The following WIPF3 variants were observed in gnomAD, a reference collection of about 807,000 sequenced individuals.
WIPF3 encodes the protein WAS/WASL interacting protein family member 3.
Under a neutral mutation model 38.9 loss-of-function variants are expected in WIPF3, and 33 were observed. The ratio of observed to expected loss-of-function variants is 0.85; its 90% confidence interval spans 0.64 to 1.14. The LOEUF is 1.14. Among genes scored for constraint, WIPF3 ranks in the 50% most tolerant of loss-of-function variants. WIPF3 has a pLI of 0.00. For synonymous variants in WIPF3, 324 were observed against 269.3 expected (o/e 1.20, Z -1.99); for missense variants, 711 against 652.5 (o/e 1.09, Z -0.98).
At chr7:29,818,341 T>C (rs1784486864) in intron 1 of WIPF3, among the ~76,000 whole-genome samples, 1 of 151,892 alleles carries the variant, frequency 6.6e-6, no homozygotes, top group Non-Finnish European at 1.5e-5. Context: ...TAGTACCAGC[T>C]ACTCGGGAGG....
chr7:29,860,151 C>A (rs1042111599), intron 2 of WIPF3, among the ~76,000 whole-genome samples: 1 of 152,142 alleles, frequency 6.6e-6, no homozygotes, highest in Non-Finnish European at 1.5e-5. Context: ...ATTGGAGAAA[C>A]AACATGAAAG....
At chr7:29,876,947 T>TC (rs902525094) in intron 3 of WIPF3, among the ~76,000 whole-genome samples, 10 of 152,142 alleles carry the variant, frequency 6.6e-5, no homozygotes, top group African/African-American at 2.2e-4. Flanking sequence ...CTTTTTTTTT[T>TC]CTTGGTCGAT....
chr7:29,859,438 A>G (rs767741500), intron 2 of WIPF3, among the ~76,000 whole-genome samples: 5 of 152,184 alleles, frequency 3.3e-5, no homozygotes, highest in Non-Finnish European at 7.3e-5. Flanking sequence ...CCACATTTCA[A>G]TAACATCTAC....
At chr7:29,833,858 T>C (rs1264593512) in intron 1 of WIPF3, among the ~76,000 whole-genome samples, 1 of 152,208 alleles carries the variant, frequency 6.6e-6, no homozygotes, top group African/African-American at 2.4e-5. Context: ...TTAATACAGA[T>C]TTTAAGTCCT....
chr7:29,884,429 C>G lies in WIPF3; in HGVS notation c.935C>G (p.Pro312Arg). 1 of 1,537,158 alleles carries G rather than the reference C, an allele frequency of 6.5e-7. No individual in the cohort carries two copies. Among genetic ancestry groups the G allele is most frequent in the Non-Finnish European group, 8.8e-7 (1 of 1,139,678 alleles). The change falls in exon 5 of 9, where the codon CCT becomes CGT. Residue 312 changes from proline to arginine, a missense_variant. Pro to Arg is a moderately radical substitution (Grantham distance 103). Coordinates refer to ENST00000242140, the MANE Select transcript of WIPF3 (RefSeq NM_001080529.3). Reference sequence around the variant, plus strand: ...CCGAGGGCTTCTTTGCCCGCGCCCCCTTTGCCAGGAGTTAATAGCAGCAGT... The same window carrying G: ...CCGAGGGCTTCTTTGCCCGCGCCCCGTTTGCCAGGAGTTAATAGCAGCAGT... ...CSPRASLPAP[P>R]LPGVNSSSET... is the part of the protein sequence containing the mutation.
chr7:29,830,099 T>TG (rs1369312194), intron 1 of WIPF3, among the ~76,000 whole-genome samples: 4 of 107,256 alleles, frequency 3.7e-5, no homozygotes, highest in South Asian at 5.6e-4. Flanking sequence ...TTATTGTATC[T>TG]GGAAAAAAAA....
At chr7:29,914,383 A>G (rs1450816723) in intron 8 of WIPF3, 110 bp from the exon 9 acceptor site, 1 of 861,730 alleles carries the variant, frequency 1.2e-6, no homozygotes, top group Non-Finnish European at 1.7e-6. Context: ...ACAGCCTTGC[A>G]TGAATGAGAA....
intron 2 of WIPF3, among the ~76,000 whole-genome samples, chr7:29,840,793 G>A (rs1465976625): frequency 6.6e-6 from 1 of 152,154 alleles, no homozygotes; most frequent in Non-Finnish European, 1.5e-5. Flanking sequence ...TATAGCCCAG[G>A]AGCAGGGTGG....
chr7:29,872,800 A>G (rs1028004363), intron 2 of WIPF3, among the ~76,000 whole-genome samples: 1 of 136,142 alleles, frequency 7.3e-6, no homozygotes, highest in African/African-American at 2.6e-5. Flanking sequence ...CTCCATCTCA[A>G]AAAAAAAAAA....
chr7:29,889,759 C>A (rs141183090), intron 7 of WIPF3, among the ~76,000 whole-genome samples: 66 of 152,280 alleles, frequency 4.3e-4, no homozygotes, highest in African/African-American at 1.3e-3. Context: ...TGAGGAGGAA[C>A]CTGAAAACCC....
Position 29,884,355 on chromosome 7 carries a change from G to A in WIPF3, c.861G>A (p.Gln287=). ...AEPASPAQDA[Q]EPPAPPPPLP... Reference sequence around the variant, plus strand: ...CCGCCAGCCCTGCGCAAGATGCGCAGGAGCCTCCCGCCCCGCCGCCCCCGC... The same window carrying A: ...CCGCCAGCCCTGCGCAAGATGCGCAAGAGCCTCCCGCCCCGCCGCCCCCGC... The change falls in exon 5 of 9, where the codon CAG becomes CAA. Residue 287 remains glutamine (Q), a synonymous_variant. Transcript: ENST00000242140. 1 of 1,457,966 alleles carries A rather than the reference G, an allele frequency of 6.9e-7. No individual in the cohort carries two copies. The highest frequency in any genetic ancestry group is 9.1e-7 in the Non-Finnish European group (1 of 1,096,074). The allele number at this position is 1,457,966 out of a possible 1,614,324, so 90.3% of individuals were successfully genotyped here. A position where few individuals can be genotyped will look rare whatever the true frequency, so the allele number is the denominator to read the frequency against.
intron 4 of WIPF3, among the ~76,000 whole-genome samples, chr7:29,883,622 G>A (rs550668632): frequency 4.8e-4 from 73 of 152,246 alleles, no homozygotes; most frequent in Non-Finnish European, 1.5e-4. Flanking sequence ...AGGGCTGGAG[G>A]CCTGACCTGG....
At chr7:29,832,413 A>T (rs1355083046) in intron 1 of WIPF3, among the ~76,000 whole-genome samples, 1 of 152,248 alleles carries the variant, frequency 6.6e-6, no homozygotes, top group East Asian at 1.9e-4. Flanking sequence ...TTAGTGCACC[A>T]TTAGTTTAGT....
chr7:29,889,419 CT>C lies in WIPF3; in HGVS notation c.1351+14del. The stretch of plus-strand genomic sequence containing the variant: ...CAAGATCCCCAGAAGTAAGTACCAC[CT>C]TGATAAGACTCCTGGCATCTCCCGA... On this transcript the variant is annotated intron_variant, in intron 7 of 8. Coordinates refer to ENST00000242140, the MANE Select transcript of WIPF3 (RefSeq NM_001080529.3). The C allele has an allele frequency of 6.2e-7, 1 of 1,601,654 alleles. No individual in the cohort carries two copies. The highest frequency in any genetic ancestry group is 1.1e-5 in the South Asian group (1 of 90,740).
chr7:29,872,075 G>GT (rs1220099256), intron 2 of WIPF3, among the ~76,000 whole-genome samples: 1 of 152,216 alleles, frequency 6.6e-6, no homozygotes, highest in Non-Finnish European at 1.5e-5. Context: ...TGTTTTGTCT[G>GT]TGTGTTTTTA....
At chr7:29,825,870 A>G (rs1784607971) in intron 1 of WIPF3, among the ~76,000 whole-genome samples, 1 of 152,212 alleles carries the variant, frequency 6.6e-6, no homozygotes, top group Non-Finnish European at 1.5e-5. Flanking sequence ...TCAGCACTTC[A>G]GCAGATAATT....
intron 8 of WIPF3, 21 bp from the exon 9 acceptor site, chr7:29,914,472 T>C (rs930376245): frequency 1.3e-6 from 2 of 1,500,996 alleles, no homozygotes; most frequent in South Asian, 2.7e-5. Context: ...CACCTGGTAA[T>C]GTTCTGTTAT....
intron 7 of WIPF3, among the ~76,000 whole-genome samples, chr7:29,899,290 C>G (rs1205223768): frequency 6.6e-6 from 1 of 152,246 alleles, no homozygotes; most frequent in Non-Finnish European, 1.5e-5. Context: ...ATGGCAGTAA[C>G]TTATCAGAGA....
chr7:29,867,065 C>A (rs922045810), intron 2 of WIPF3, among the ~76,000 whole-genome samples: 2 of 152,254 alleles, frequency 1.3e-5, no homozygotes, highest in African/African-American at 2.4e-5. Context: ...TGAATTAATA[C>A]ATGCAAAGCA....
Sources: gnomAD v4.1 joint callset for allele counts (sites outside exome capture counted in the v4.1 genomes callset) on GRCh38, gnomAD v4.1.1 for gene constraint, MANE v1.5 for transcripts, NCBI Gene and HGNC (gene_info 2026-07-23, HGNC 2026-07-21) for gene names.